Variants in FRY observed in about 807,000 individuals in gnomAD.
FRY encodes the protein FRY microtubule binding protein, also known as protein furry homolog.
FRY carries 128 observed loss-of-function variants against 348.4 expected under a neutral mutation model. That is an observed-to-expected ratio of 0.37 (90% CI 0.32 to 0.43). The LOEUF is 0.43. Ranked by LOEUF, FRY falls within the 20% of genes least tolerant of loss-of-function variation. The probability of loss-of-function intolerance (pLI) is 1.00; values close to 1 mark genes in which losing one functional copy is unlikely to be tolerated. For missense variants in FRY, 2,736 were observed against 3,695.2 expected (o/e 0.74, Z 6.73); for synonymous variants, 1,370 against 1,374.7 (o/e 1.00, Z 0.08).
At chr13:32,076,128 T>C (rs757944587) in intron 1 of FRY, among the ~76,000 whole-genome samples, 1 of 152,190 alleles carries the variant, frequency 6.6e-6, no homozygotes, top group African/African-American at 2.4e-5. Context: ...TGCAGCCTTG[T>C]AGGAGGACTG....
At chr13:32,115,644 A>T (rs1878250286) in intron 3 of FRY, among the ~76,000 whole-genome samples, 1 of 152,046 alleles carries the variant, frequency 6.6e-6, no homozygotes, top group Non-Finnish European at 1.5e-5. Context: ...AATCATCAAC[A>T]GTTACTTTAT....
chr13:32,031,963 C>T, intron 1 of FRY, 98 bp downstream of exon 1: 4 of 702,326 alleles, frequency 5.7e-6, no homozygotes, highest in South Asian at 3.3e-5. Flanking sequence ...GTTTGTGAGC[C>T]GCGGAAGTTT....
At chr13:32,048,165 T>A (rs1451122456) in intron 1 of FRY, among the ~76,000 whole-genome samples, 1 of 152,244 alleles carries the variant, frequency 6.6e-6, no homozygotes, top group East Asian at 1.9e-4. Context: ...AAATATTGAA[T>A]GAGTGAATAA....
chr13:32,068,150 TA>T (rs1193221983), intron 1 of FRY, among the ~76,000 whole-genome samples: 1 of 152,176 alleles, frequency 6.6e-6, no homozygotes, highest in African/African-American at 2.4e-5. Context: ...TTTTTGAAGT[TA>T]AGATTTAAAA....
In FRY at chr13:32,131,655, T is replaced by A; in HGVS notation, c.717-17T>A. 3.1e-6 allele frequency: 5 copies of A among 1,604,896 alleles called. No individual in the cohort carries two copies. Among genetic ancestry groups the A allele is most frequent in the Non-Finnish European group, 4.3e-6 (5 of 1,172,628 alleles). ...TCCTACCCAATATTTGATAAACCAC[T>A]TATGTTATCTTCTTAGATTCCCTGC... On this transcript the variant is annotated splice_polypyrimidine_tract_variant and intron_variant, in intron 7 of 60. Transcript: ENST00000542859.
intron 41 of FRY, among the ~76,000 whole-genome samples, chr13:32,232,687 T>A (rs1224613622): frequency 2.0e-5 from 3 of 152,118 alleles, no homozygotes; most frequent in African/African-American, 7.2e-5. Flanking sequence ...ACCCCAGGCT[T>A]AAATGGGGTA....
intron 1 of FRY, among the ~76,000 whole-genome samples, 174 bp downstream of exon 1, chr13:32,032,039 CTT>C (rs1413642624): frequency 2.1e-5 from 3 of 141,570 alleles, no homozygotes; most frequent in African/African-American, 8.0e-5. Context: ...TTCTTTCTTT[CTT>C]TCTTTTTTTG....
At chr13:32,115,033 T>C (rs113640734) in intron 3 of FRY, among the ~76,000 whole-genome samples, 30 of 152,326 alleles carry the variant, frequency 2.0e-4, no homozygotes, top group African/African-American at 7.2e-4. Flanking sequence ...AGCCTATTTA[T>C]TTTTACCTTA....
rs534060159 is a variant in FRY, at chr13:32,209,329, G to A, written c.4275+220G>A. ...AACTTTATGTTATGCGTATTTTACA[G>A]CAATTTTAAGAATGATAATAAAAAT... On this transcript the variant is annotated intron_variant, in intron 32 of 60. Coordinates refer to ENST00000542859, the MANE Select transcript of FRY (RefSeq NM_023037.3). Among the ~76,000 whole-genome samples the A allele has an allele frequency of 3.3e-4, 50 of 152,170 alleles. No individual in the cohort carries two copies. In the South Asian group the frequency reaches 8.1e-3, roughly 25 times the overall value.
chr13:32,048,312 A>G (rs1873137540), intron 1 of FRY, among the ~76,000 whole-genome samples: 1 of 152,172 alleles, frequency 6.6e-6, no homozygotes, highest in Non-Finnish European at 1.5e-5. Context: ...GCAGGAACTC[A>G]GCATCTAATC....
At chr13:32,240,001 G>T (rs1403857681) in intron 46 of FRY, 120 bp downstream of exon 46, 1 of 766,378 alleles carries the variant, frequency 1.3e-6, no homozygotes, top group Non-Finnish European at 2.1e-6. Flanking sequence ...GATTACAGGC[G>T]TGGGCCACCA....
intron 23 of FRY, among the ~76,000 whole-genome samples, 172 bp from the exon 24 acceptor site, chr13:32,182,805 T>C (rs1882793594): frequency 6.6e-6 from 1 of 152,238 alleles, no homozygotes. Context: ...TATAGGCCAA[T>C]ACCTGTTTCC....
At chr13:32,194,010 A>G (rs1883521661) in intron 28 of FRY, 133 bp from the exon 29 acceptor site, 1 of 890,946 alleles carries the variant, frequency 1.1e-6, no homozygotes, top group Non-Finnish European at 1.9e-6. Context: ...AATATATGAC[A>G]TAAAAACCAA....
intron 4 of FRY, among the ~76,000 whole-genome samples, chr13:32,121,226 A>G (rs1407097262): frequency 6.6e-6 from 1 of 152,226 alleles, no homozygotes; most frequent in Non-Finnish European, 1.5e-5. Flanking sequence ...GTGCCACTAT[A>G]AACATGCATG....
chr13:32,084,203 G>A (rs1875703410), intron 2 of FRY, among the ~76,000 whole-genome samples: 1 of 152,136 alleles, frequency 6.6e-6, no homozygotes, highest in Non-Finnish European at 1.5e-5. Flanking sequence ...TCATGGTGAG[G>A]TGGGGTGTCC....
intron 52 of FRY, 30 bp downstream of exon 52, chr13:32,261,846 T>TGGGA: frequency 6.3e-7 from 1 of 1,599,398 alleles, no homozygotes; most frequent in Non-Finnish European, 8.6e-7. Flanking sequence ...CTCTAAGAAT[T>TGGGA]GGGAGGCTTA....
intron 3 of FRY, among the ~76,000 whole-genome samples, chr13:32,112,106 T>C (rs1488669155): frequency 2.0e-5 from 3 of 152,180 alleles, no homozygotes; most frequent in Admixed American, 6.5e-5. Flanking sequence ...GGACACGGGA[T>C]AGGTGGGGCT....
In FRY at chr13:32,186,360, T is replaced by C; in HGVS notation, c.3420T>C (p.Pro1140=). The C allele has an allele frequency of 6.2e-7, 1 of 1,608,786 alleles. No homozygotes were observed. Among genetic ancestry groups the C allele is most frequent in the South Asian group, 1.1e-5 (1 of 90,984 alleles). The change falls in exon 27 of 61, where the codon CCT becomes CCC. Residue 1140 remains proline (P), a synonymous_variant. Coordinates refer to ENST00000542859, the MANE Select transcript of FRY (RefSeq NM_023037.3). ...WAGPFSIMFT[P]LDRYSDRNHQ... ...GACCCTTCAGCATTATGTTCACTCCTCTGGATCGTTACAGTGACAGAAATC... is the reference window on the plus strand; with the variant it reads ...GACCCTTCAGCATTATGTTCACTCCCCTGGATCGTTACAGTGACAGAAATC...
rs772657194 is a variant in FRY at position 32,147,398 on chromosome 13, T to C, written c.1283+13T>C. ...CAGCTACTCAGAGGTAAGATTTGGC[T>C]TGTGTCAATGGTAACCATATCACTC... On this transcript the variant is annotated intron_variant, in intron 12 of 60. Transcript: ENST00000542859. 14 of 1,472,722 alleles carry C rather than the reference T, an allele frequency of 9.5e-6. No homozygotes were observed. The highest frequency in any genetic ancestry group is 1.3e-5 in the Non-Finnish European group (14 of 1,051,084). The allele number at this position is 1,472,722 out of a possible 1,614,324, so 91.2% of individuals were successfully genotyped here. A position where few individuals can be genotyped will look rare whatever the true frequency, so the allele number is the denominator to read the frequency against.
Sources: gnomAD v4.1 joint callset for allele counts (sites outside exome capture counted in the v4.1 genomes callset) on GRCh38, gnomAD v4.1.1 for gene constraint, MANE v1.5 for transcripts, NCBI Gene and HGNC (gene_info 2026-07-23, HGNC 2026-07-21) for gene names.